The following NUCKS1 variants were observed in gnomAD, a reference collection of about 807,000 sequenced individuals.
NUCKS1 encodes nuclear casein kinase and cyclin dependent kinase substrate 1, also known as nuclear ubiquitous casein and cyclin-dependent kinase substrate 1.
In NUCKS1, 2 loss-of-function variants were observed where a neutral mutation model predicts 33.0. That is an observed-to-expected ratio of 0.06 (90% confidence interval 0.02 to 0.19). The LOEUF is 0.19. Among genes scored for constraint, NUCKS1 ranks in the 10% least tolerant of loss-of-function variants. The pLI is 1.00. For synonymous variants in NUCKS1, 106 were observed against 102.8 expected, an observed-to-expected ratio of 1.03 and a Z score of -0.19; for missense variants, 201 against 293.6, an observed-to-expected ratio of 0.68 and a Z score of 2.31.
In NUCKS1 at chr1:205,736,728, G is replaced by A. The variant is rs1293101053; in HGVS notation, c.18-7107C>T. Reference sequence around the variant, plus strand: ...CGCCTGTAATCCCAGGTACTTGGGAGGTTGAGGCAGGAGAATAGCTTGAAC... The same window carrying A: ...CGCCTGTAATCCCAGGTACTTGGGAAGTTGAGGCAGGAGAATAGCTTGAAC... On this transcript the variant is annotated intron_variant, in intron 1 of 6. Coordinates refer to ENST00000367142, the MANE Select transcript of NUCKS1 (RefSeq NM_022731.5). Among the ~76,000 whole-genome samples the A allele has an allele frequency of 2.0e-5, 3 of 152,054 alleles. No individual in the cohort carries two copies. In the East Asian group the frequency reaches 5.8e-4, roughly 29 times the overall value.
At chr1:205,728,954 C>T (rs1653842957) in intron 2 of NUCKS1, among the ~76,000 whole-genome samples, 1 of 151,654 alleles carries the variant, frequency 6.6e-6, no homozygotes, top group Non-Finnish European at 1.5e-5. Context: ...AGGCGTGAGC[C>T]ACTGCGCCTG....
intron 1 of NUCKS1, among the ~76,000 whole-genome samples, chr1:205,744,239 T>A (rs1654254989): frequency 6.6e-6 from 1 of 152,212 alleles, no homozygotes. Context: ...TGGCTTTGGG[T>A]TGTTCACAGT....
At chr1:205,746,453 TCA>T (rs1216661558) in intron 1 of NUCKS1, among the ~76,000 whole-genome samples, 2,300 of 124,514 alleles carry the variant, frequency 0.018, 57 homozygotes, top group African/African-American at 0.066. Context: ...TCTCTCTCTC[TCA>T]CACACACACA....
intron 1 of NUCKS1, among the ~76,000 whole-genome samples, chr1:205,740,018 T>TG (rs1553252841): frequency 2.7e-5 from 4 of 146,198 alleles, no homozygotes; most frequent in Non-Finnish European, 4.5e-5. Flanking sequence ...TTTTTTTTTT[T>TG]GAGAGACAGT....
At chr1:205,741,895 T>G (rs1220197090) in intron 1 of NUCKS1, among the ~76,000 whole-genome samples, 1 of 152,210 alleles carries the variant, frequency 6.6e-6, no homozygotes, top group East Asian at 1.9e-4. Context: ...TCAAAATGAC[T>G]TAGATCTTCC....
In NUCKS1 at chr1:205,718,488, A is replaced by G; in HGVS notation, c.533-9T>C. The stretch of plus-strand genomic sequence containing the variant: ...CACTGGACTTGGCGTCACTGAAAAT[A>G]GAAAAATAATTTGGGGAAGGGAAGA... On this transcript the variant is annotated splice_polypyrimidine_tract_variant and intron_variant, in intron 6 of 6. Transcript: ENST00000367142. 1 of 1,606,374 alleles carries G rather than the reference A, an allele frequency of 6.2e-7. No homozygotes were observed. Among genetic ancestry groups the G allele is most frequent in the Non-Finnish European group, 8.5e-7 (1 of 1,178,144 alleles).
chr1:205,747,652 C>A (rs1268182597), intron 1 of NUCKS1, among the ~76,000 whole-genome samples: 2 of 152,116 alleles, frequency 1.3e-5, no homozygotes, highest in Admixed American at 1.3e-4. Flanking sequence ...CAGAAATACC[C>A]CAAAAGACGA....
intron 1 of NUCKS1, 108 bp downstream of exon 1, chr1:205,749,849 C>G (rs1571595957): frequency 7.9e-7 from 1 of 1,260,198 alleles, no homozygotes; most frequent in East Asian, 2.8e-5. Context: ...GGGAGGAGGC[C>G]GCGCGCGGCA....
At chr1:205,736,829 T>TAAA (rs148933667) in intron 1 of NUCKS1, among the ~76,000 whole-genome samples, 11 of 127,850 alleles carry the variant, frequency 8.6e-5, no homozygotes, top group African/African-American at 3.2e-4. Flanking sequence ...AAACTCCTTC[T>TAAA]AAAAAAAAAA....
chr1:205,724,676 A>G (rs1653679803), intron 3 of NUCKS1, among the ~76,000 whole-genome samples: 1 of 152,210 alleles, frequency 6.6e-6, no homozygotes, highest in African/African-American at 2.4e-5. Flanking sequence ...CTTGGGTGGC[A>G]GAGCAAGACT....
intron 1 of NUCKS1, among the ~76,000 whole-genome samples, chr1:205,736,247 C>G (rs1654032279): frequency 6.6e-6 from 1 of 152,162 alleles, no homozygotes; most frequent in African/African-American, 2.4e-5. Flanking sequence ...CCACCACATC[C>G]AGCCCTCCCT....
In NUCKS1 at chr1:205,720,678, A is replaced by G. The variant is rs1339852440; in HGVS notation, c.230-25T>C. The G allele has an allele frequency of 1.9e-6, 3 of 1,582,780 alleles. No individual in the cohort carries two copies. In the South Asian group the frequency reaches 3.5e-5, roughly 18 times the overall value. On this transcript the variant is annotated intron_variant, in intron 4 of 6. Coordinates refer to ENST00000367142, the MANE Select transcript of NUCKS1 (RefSeq NM_022731.5). ...TCTGCAATATCAGAATTACCATGAT[A>G]TAATGATTAAAGAATTTTATATTTG...
chr1:205,748,498 A>G (rs1402282743), intron 1 of NUCKS1, among the ~76,000 whole-genome samples: 3 of 152,242 alleles, frequency 2.0e-5, no homozygotes, highest in African/African-American at 7.2e-5. Context: ...TACGCAAACT[A>G]TACTCTGAAA....
intron 1 of NUCKS1, chr1:205,731,449 CTCTAAA>C (rs1202059457): frequency 1.3e-5 from 2 of 152,146 alleles, no homozygotes; most frequent in Non-Finnish European, 2.9e-5. Context: ...GTACTCTGCA[CTCTAAA>C]TCTAAAAGTT....
intron 1 of NUCKS1, among the ~76,000 whole-genome samples, chr1:205,742,169 C>A (rs1044786961): frequency 2.6e-5 from 4 of 152,120 alleles, no homozygotes; most frequent in African/African-American, 9.7e-5. Flanking sequence ...TTTTCTAAGT[C>A]ATTTTATTGT....
chr1:205,740,413 A>T (rs916728463), intron 1 of NUCKS1, among the ~76,000 whole-genome samples: 3 of 151,910 alleles, frequency 2.0e-5, no homozygotes, highest in African/African-American at 7.3e-5. Context: ...GAGTCCCAGG[A>T]GTTCAAGACC....
intron 3 of NUCKS1, among the ~76,000 whole-genome samples, chr1:205,725,466 T>C (rs890873092): frequency 1.3e-5 from 2 of 152,150 alleles, no homozygotes; most frequent in Admixed American, 1.3e-4. Flanking sequence ...GCAACCTGAG[T>C]CCAAGACACT....
At chr1:205,729,129 C>A (rs1427977041) in intron 2 of NUCKS1, among the ~76,000 whole-genome samples, 2 of 152,074 alleles carry the variant, frequency 1.3e-5, no homozygotes, top group Admixed American at 6.6e-5. Flanking sequence ...CCAACACTCC[C>A]GGCTAATTTT....
At chr1:205,731,810 T>C (rs1653919466) in intron 1 of NUCKS1, among the ~76,000 whole-genome samples, 1 of 151,296 alleles carries the variant, frequency 6.6e-6, no homozygotes, top group Non-Finnish European at 1.5e-5. Flanking sequence ...GAGAATGGCT[T>C]GAACCCGGGA....
Sources: allele counts gnomAD v4.1 joint callset (sites outside exome capture counted in the v4.1 genomes callset), GRCh38; gene constraint gnomAD v4.1.1; transcripts MANE v1.5; gene names NCBI Gene and HGNC (gene_info 2026-07-23, HGNC 2026-07-21).